The following SPDL1 variants were observed in gnomAD, a reference collection of about 807,000 sequenced individuals.
SPDL1 encodes the protein spindle apparatus coiled-coil protein 1.
Under a neutral mutation model 79.5 loss-of-function variants are expected in SPDL1, and 85 were observed. The ratio of observed to expected loss-of-function variants is 1.07; its 90% confidence interval spans 0.90 to 1.28. SPDL1 has a LOEUF of 1.28. Among genes scored for constraint, SPDL1 ranks in the 50% most tolerant of loss-of-function variants. The probability of loss-of-function intolerance (pLI) is 0.00; values close to 1 mark genes in which losing one functional copy is unlikely to be tolerated. For synonymous variants in SPDL1, 269 were observed against 240.3 expected, an observed-to-expected ratio of 1.12 and a Z score of -1.10; for missense variants, 703 against 697.8, an observed-to-expected ratio of 1.01 and a Z score of -0.08.
rs1359809554 is a variant in SPDL1, at chr5:169,598,458, A to G, written c.1033-18A>G. The G allele has an allele frequency of 2.0e-6, 3 of 1,492,926 alleles. No individual in the cohort carries two copies. The South Asian group carries it at 3.4e-5, about 17-fold the overall frequency. 92.5% of individuals were successfully genotyped at this position (1,492,926 alleles called of 1,614,324 possible). On this transcript the variant is annotated intron_variant, in intron 8 of 11. Coordinates refer to ENST00000265295, the MANE Select transcript of SPDL1 (RefSeq NM_017785.5). ...TTTGTTATTTATTTTAAGTAATACA[A>G]ACTTTTGCTTTTTTAAGAATTTATA... is the stretch of plus-strand genomic sequence containing the variant.
chr5:169,603,318 T>C (rs1267865688), intron 11 of SPDL1, among the ~76,000 whole-genome samples: 1 of 152,206 alleles, frequency 6.6e-6, no homozygotes, highest in Non-Finnish European at 1.5e-5. Flanking sequence ...ATCTCTCTAC[T>C]GTTTATCTTT....
chr5:169,603,981 G>A, intron 11 of SPDL1, 79 bp from the exon 12 acceptor site: 1 of 1,449,464 alleles, frequency 6.9e-7, no homozygotes, highest in Non-Finnish European at 9.2e-7. Context: ...CTTATTGGAG[G>A]CCCATTATAC....
intron 10 of SPDL1, among the ~76,000 whole-genome samples, chr5:169,600,521 T>G (rs1411349490): frequency 6.6e-6 from 1 of 152,208 alleles, no homozygotes; most frequent in Non-Finnish European, 1.5e-5. Flanking sequence ...GCTACCAGTG[T>G]TCCTCAGACT....
At chr5:169,585,437 G>A (rs1168505365) in intron 1 of SPDL1, among the ~76,000 whole-genome samples, 6 of 152,148 alleles carry the variant, frequency 3.9e-5, no homozygotes, top group Non-Finnish European at 7.4e-5. Flanking sequence ...ATAAACTAAA[G>A]CAAATTTTTT....
chr5:169,597,495 G>T (rs1351203305), intron 8 of SPDL1, among the ~76,000 whole-genome samples: 1 of 151,932 alleles, frequency 6.6e-6, no homozygotes, highest in Non-Finnish European at 1.5e-5. Flanking sequence ...ATGTTTATCT[G>T]GTAGGACTAT....
At chr5:169,601,170 A>G in intron 10 of SPDL1, 110 bp from the exon 11 acceptor site, 2 of 909,022 alleles carry the variant, frequency 2.2e-6, no homozygotes, top group Non-Finnish European at 3.3e-6. Context: ...AGATGGTTGC[A>G]TTTTAAAAGA....
At chr5:169,588,644 T>G (rs1755113567) in intron 2 of SPDL1, 69 bp downstream of exon 2, 3 of 1,364,196 alleles carry the variant, frequency 2.2e-6, no homozygotes, top group Admixed American at 4.7e-5. Context: ...GTTTAGCAAT[T>G]AATAGTAGTA....
At chr5:169,590,397 A>G (rs1755211967) in intron 2 of SPDL1, among the ~76,000 whole-genome samples, 1 of 152,148 alleles carries the variant, frequency 6.6e-6, no homozygotes, top group Non-Finnish European at 1.5e-5. Flanking sequence ...AACAGTTAAT[A>G]CTCTTTGTCT....
chr5:169,588,308 T>G, intron 1 of SPDL1, 86 bp from the exon 2 acceptor site: 1 of 895,368 alleles, frequency 1.1e-6, no homozygotes, highest in Non-Finnish European at 1.7e-6. Flanking sequence ...ACAGTAGTAT[T>G]GAGTAGATAT....
chr5:169,585,221 G>T (rs1010456860), intron 1 of SPDL1, among the ~76,000 whole-genome samples: 1 of 152,124 alleles, frequency 6.6e-6, no homozygotes, highest in South Asian at 2.1e-4. Flanking sequence ...GATTAGGACA[G>T]CTCCCCCTTG....
chr5:169,597,009 C>A (rs373444173), intron 8 of SPDL1, among the ~76,000 whole-genome samples: 36 of 152,256 alleles, frequency 2.4e-4, no homozygotes, highest in African/African-American at 8.7e-4. Flanking sequence ...AGTATAGCCT[C>A]ATGGATTCTT....
intron 1 of SPDL1, chr5:169,586,245 T>A (rs1675024101): frequency 6.6e-6 from 1 of 152,332 alleles, no homozygotes; most frequent in Non-Finnish European, 1.5e-5. Context: ...TCAAGTTCAA[T>A]GGCCAGTTCT....
chr5:169,587,817 A>G (rs1216356178), intron 1 of SPDL1, among the ~76,000 whole-genome samples: 1 of 152,100 alleles, frequency 6.6e-6, no homozygotes, highest in Non-Finnish European at 1.5e-5. Context: ...CTCTAACTCC[A>G]TCAATTTTCC....
At chr5:169,585,281 G>A (rs1034306364) in intron 1 of SPDL1, among the ~76,000 whole-genome samples, 1 of 152,114 alleles carries the variant, frequency 6.6e-6, no homozygotes, top group Admixed American at 6.5e-5. Flanking sequence ...TATCATACTT[G>A]TAACTTGATA....
intron 2 of SPDL1, among the ~76,000 whole-genome samples, chr5:169,589,094 T>G (rs982047129): frequency 6.6e-6 from 1 of 152,150 alleles, no homozygotes; most frequent in Non-Finnish European, 1.5e-5. Context: ...TACCAAAGAT[T>G]TTTGGTATAT....
Position 169,601,211 on chromosome 5 carries a change from G to A in SPDL1, c.1325-69G>A, listed in dbSNP as rs1425003358. 40 of 1,408,346 alleles carry A rather than the reference G, an allele frequency of 2.8e-5. No individual in the cohort carries two copies. The South Asian group carries it at 5.2e-4, about 18-fold the overall frequency. The allele number at this position is 1,408,346 out of a possible 1,614,324, so 87.2% of individuals were successfully genotyped here. A position where few individuals can be genotyped will look rare whatever the true frequency, so the allele number is the denominator to read the frequency against. On this transcript the variant is annotated intron_variant, in intron 10 of 11. Coordinates refer to ENST00000265295, the MANE Select transcript of SPDL1 (RefSeq NM_017785.5). ...AAAAGGTATACATATAACTAGTTCT[G>A]GCTTCTTGTGTTGATTGTGTCTTTG... is the stretch of plus-strand genomic sequence containing the variant.
chr5:169,595,198 G>A (rs1755528588), intron 7 of SPDL1: 1 of 152,526 alleles, frequency 6.6e-6, no homozygotes, highest in African/African-American at 2.4e-5. Context: ...CAAATAAGAG[G>A]TAGCAGAAAA....
intron 8 of SPDL1, among the ~76,000 whole-genome samples, chr5:169,598,122 G>C (rs1041452827): frequency 6.6e-6 from 1 of 152,138 alleles, no homozygotes; most frequent in Non-Finnish European, 1.5e-5. Context: ...TTATGGTTTT[G>C]TTACAAAGGC....
Position 169,585,189 on chromosome 5 carries a change from C to G in SPDL1, c.-24+1300C>G, listed in dbSNP as rs187902719. Among the ~76,000 whole-genome samples the G allele has an allele frequency of 1.4e-3, 211 of 152,286 alleles. 1 individual carries two copies. The highest frequency in any genetic ancestry group is 4.8e-3 in the African/African-American group (201 of 41,538). ...TCAGGAAAATTTTTTTGTCCATGTTCCCTTCTACGCGCTGCCCCCCAGATT... is the reference window on the plus strand; with the variant it reads ...TCAGGAAAATTTTTTTGTCCATGTTGCCTTCTACGCGCTGCCCCCCAGATT... On this transcript the variant is annotated intron_variant, in intron 1 of 11. Transcript: ENST00000265295.
Sources: allele counts gnomAD v4.1 joint callset (sites outside exome capture counted in the v4.1 genomes callset), GRCh38; gene constraint gnomAD v4.1.1; transcripts MANE v1.5; gene names NCBI Gene and HGNC (gene_info 2026-07-23, HGNC 2026-07-21).